Variants in TRRAP observed in about 807,000 individuals in gnomAD.
The protein encoded by TRRAP is transformation/transcription domain associated protein, also known as transformation/transcription domain-associated protein.
In TRRAP, 41 loss-of-function variants were observed where a neutral mutation model predicts 438.8. That is an observed-to-expected ratio of 0.09 (90% confidence interval 0.07 to 0.12). TRRAP has a LOEUF of 0.12. Among genes scored for constraint, TRRAP ranks in the 10% least tolerant of loss-of-function variants. TRRAP has a pLI of 1.00. For synonymous variants in TRRAP, 1,994 were observed against 1,962.9 expected, an observed-to-expected ratio of 1.02 and a Z score of -0.42; for missense variants, 3,122 against 5,055.1, an observed-to-expected ratio of 0.62 and a Z score of 11.60.
At chr7:98,949,244 A>G (rs565920065) in intron 35 of TRRAP, among the ~76,000 whole-genome samples, 173 bp from the exon 36 acceptor site, 2 of 144,962 alleles carry the variant, frequency 1.4e-5, no homozygotes, top group African/African-American at 5.2e-5. Flanking sequence ...TTTTAAAAAG[A>G]AAAAAAAAAA....
chr7:98,957,764 CAT>C (rs1295974486), intron 43 of TRRAP, among the ~76,000 whole-genome samples: 4 of 152,254 alleles, frequency 2.6e-5, no homozygotes, highest in Non-Finnish European at 5.9e-5. Flanking sequence ...TTCCCCATCA[CAT>C]GAGCCACTAT....
intron 67 of TRRAP, chr7:98,998,794 C>T (rs1793789015): frequency 7.9e-6 from 2 of 252,242 alleles, no homozygotes. Flanking sequence ...TGCCCTCTGA[C>T]TCACCCTCTT....
intron 12 of TRRAP, among the ~76,000 whole-genome samples, chr7:98,904,274 G>C (rs781950259): frequency 1.1e-4 from 16 of 151,922 alleles, no homozygotes; most frequent in Admixed American, 4.6e-4. Flanking sequence ...ACGAGGTCAG[G>C]AGATCCTGAC....
At chr7:98,913,886 G>T (rs1466161130) in intron 18 of TRRAP, among the ~76,000 whole-genome samples, 1 of 152,146 alleles carries the variant, frequency 6.6e-6, no homozygotes, top group Non-Finnish European at 1.5e-5. Flanking sequence ...ACTCCCTCTT[G>T]TGGCAAAATA....
At position 98,956,024 on chromosome 7, in the gene TRRAP, CTG is replaced by C. The variant is rs1791583282; in HGVS notation, c.5938-114_5938-113del. 8.3e-7 allele frequency: 1 copy of C among 1,208,758 alleles called. No homozygotes were observed. Among genetic ancestry groups the C allele is most frequent in the Admixed American group, 2.6e-5 (1 of 38,580 alleles). 74.9% of individuals were successfully genotyped at this position (1,208,758 alleles called of 1,614,324 possible). ...CAGAATTCTTGAGCATCAAGTTGGG[CTG>C]TGTGTGTATGTTGGGGCTGAGAGGC... On this transcript the variant is annotated intron_variant, in intron 41 of 72. Coordinates refer to ENST00000456197, the MANE Select transcript of TRRAP (RefSeq NM_001375524.1). The surrounding 1 kb of genome is among the most constrained non-coding windows in gnomAD (Gnocchi z 4.5).
Position 98,910,213 on chromosome 7 carries a change from TCCCTGCCCCACCTCCA to T in TRRAP, c.1512_1527del (p.Ala505ArgfsTer10). ...GGCCCTGCTCCCTCCCCAGCCCCTG[TCCCTGCCCCACCTCCA>T]CCCCCGCCCCCACCCCCACCTGCCA... On this transcript the variant is annotated frameshift_variant, in exon 15 of 73. Transcript: ENST00000456197. LOFTEE classifies it high-confidence loss of function. 6.5e-7 allele frequency: 1 copy of T among 1,538,410 alleles called. No individual in the cohort carries two copies. Among genetic ancestry groups the T allele is most frequent in the Admixed American group, 1.8e-5 (1 of 55,654 alleles).
chr7:98,879,352 C>T (rs1795314909), intron 1 of TRRAP, among the ~76,000 whole-genome samples: 1 of 152,214 alleles, frequency 6.6e-6, no homozygotes, highest in Non-Finnish European at 1.5e-5. Flanking sequence ...GAAGTTTGGA[C>T]AGGACTAGGG....
At chr7:99,009,873 TTCTTC>T (rs1375517745) in intron 70 of TRRAP, among the ~76,000 whole-genome samples, 1 of 147,792 alleles carries the variant, frequency 6.8e-6, no homozygotes, top group Non-Finnish European at 1.5e-5. Flanking sequence ...TACTCCTTCA[TTCTTC>T]TCTTTTTTTT....
intron 56 of TRRAP, among the ~76,000 whole-genome samples, chr7:98,977,882 C>G (rs768273381): frequency 1.3e-5 from 2 of 152,236 alleles, no homozygotes; most frequent in African/African-American, 2.4e-5. Context: ...TCTTCTGTCT[C>G]TGAACAGAGA....
In TRRAP at chr7:98,879,891, G is replaced by C. The variant is rs549315380; in HGVS notation, c.-61-1199G>C. Among the ~76,000 whole-genome samples the C allele has an allele frequency of 7.5e-4, 114 of 152,314 alleles. No homozygotes were observed. In the Middle Eastern group the frequency reaches 0.014, roughly 18 times the overall value. On this transcript the variant is annotated intron_variant, in intron 1 of 72. Transcript: ENST00000456197. ...GTAGGCCTGCAAAGGAGGTCCTGGT[G>C]TGTCTGTTGAAAGAAAACGAAGCCA...
At chr7:98,938,558 A>AAT (rs35732369) in intron 30 of TRRAP, among the ~76,000 whole-genome samples, 106,274 of 151,410 alleles carry the variant, frequency 0.7, 41,803 homozygotes, top group South Asian at 0.88. Flanking sequence ...AAGGGGGTAC[A>AAT]ATATATATAT....
intron 69 of TRRAP, among the ~76,000 whole-genome samples, chr7:99,007,040 C>T (rs1794197600): frequency 6.6e-6 from 1 of 152,210 alleles, no homozygotes; most frequent in Non-Finnish European, 1.5e-5. Flanking sequence ...TGTAGATTAA[C>T]TGCATCTCCA....
intron 46 of TRRAP, 146 bp from the exon 47 acceptor site, chr7:98,962,156 A>G (rs1791924371): frequency 2.5e-6 from 3 of 1,185,662 alleles, no homozygotes; most frequent in Non-Finnish European, 3.6e-6. Context: ...ACCAGCCCAG[A>G]GGTGAGGCCC....
chr7:98,916,189 T>G lies in TRRAP; in HGVS notation c.2365+301T>G, dbSNP rs553635146. ...ATTTTTATAGTGTTTGGTAAGCAAG[T>G]CTAGAAAATGATTTCTAGTGGTTTA... On this transcript the variant is annotated intron_variant, in intron 19 of 72. Coordinates refer to ENST00000456197, the MANE Select transcript of TRRAP (RefSeq NM_001375524.1). Among the ~76,000 whole-genome samples the G allele has an allele frequency of 3.3e-5, 5 of 152,248 alleles. No homozygotes were observed. In the South Asian group the frequency reaches 1.0e-3, roughly 32 times the overall value.
At position 98,967,143 on chromosome 7, in the gene TRRAP, C is replaced by A. The variant is rs746484487; in HGVS notation, c.7279C>A (p.Leu2427Ile). Residue 2427 changes from leucine to isoleucine, a missense_variant, in exon 50 of 73, where the codon CTT becomes ATT. Around this residue, in one of 24 missense-constraint regions of TRRAP, gnomAD observed 992 missense variants for 1,281.2 expected, o/e 0.77. Transcript: ENST00000456197. Reference protein sequence around the residue: ...DLELNAQFLDLVNYVYRDETL... With the variant: ...DLELNAQFLDIVNYVYRDETL... The stretch of plus-strand genomic sequence containing the variant: ...TGAATTAAATGCCCAGTTTTTAGAT[C>A]TTGTTAACTATGTCTACAGGTAATT... 14 of 1,613,814 alleles carry A rather than the reference C, an allele frequency of 8.7e-6. No homozygotes were observed. The highest frequency in any genetic ancestry group is 1.2e-5 in the Non-Finnish European group (14 of 1,179,966).
At chr7:98,977,238 T>C (rs1453798171) in intron 56 of TRRAP, among the ~76,000 whole-genome samples, 162 bp downstream of exon 56, 1 of 152,170 alleles carries the variant, frequency 6.6e-6, no homozygotes, top group Non-Finnish European at 1.5e-5. Flanking sequence ...CTCGGCTCAC[T>C]GCAACCTCCA....
chr7:98,890,490 T>A, intron 4 of TRRAP, 45 bp downstream of exon 4: 1 of 1,400,060 alleles, frequency 7.1e-7, no homozygotes, highest in Non-Finnish European at 9.7e-7. Context: ...GCTGTGGGAT[T>A]GTGACCAGTT....
At chr7:98,919,677 G>A (rs1185032314) in intron 20 of TRRAP, among the ~76,000 whole-genome samples, 2 of 152,244 alleles carry the variant, frequency 1.3e-5, no homozygotes, top group Non-Finnish European at 2.9e-5. Flanking sequence ...ATTGATGAGA[G>A]CCTGCCTTTA....
At chr7:98,929,438 T>C (rs1411564435) in intron 23 of TRRAP, among the ~76,000 whole-genome samples, 2 of 152,204 alleles carry the variant, frequency 1.3e-5, no homozygotes, top group Non-Finnish European at 2.9e-5. Flanking sequence ...AATATATTTT[T>C]GAGTTATGAT....
Sources: allele counts gnomAD v4.1 joint callset (sites outside exome capture counted in the v4.1 genomes callset), GRCh38; gene constraint gnomAD v4.1.1; regional missense constraint gnomAD v4.1.1; non-coding constraint Gnocchi (gnomAD v3.1); transcripts MANE v1.5; gene names NCBI Gene and HGNC (gene_info 2026-07-23, HGNC 2026-07-21).